The following CACNA1E variants were observed in gnomAD, a reference collection of about 807,000 sequenced individuals.
CACNA1E encodes voltage-dependent R-type calcium channel subunit alpha-1E.
Under a neutral mutation model 259.2 loss-of-function variants are expected in CACNA1E, and 40 were observed. That is an observed-to-expected ratio of 0.15 (90% CI 0.12 to 0.20). The LOEUF is 0.20. Ranked by LOEUF, CACNA1E falls within the 10% of genes least tolerant of loss-of-function variation. CACNA1E has a pLI of 1.00. For synonymous variants in CACNA1E, 1,104 were observed against 1,138.5 expected (o/e 0.97, Z 0.61); for missense variants, 1,874 against 3,040.1 (o/e 0.62, Z 9.02).
At chr1:181,754,111 T>TC (rs763748589) in intron 27 of CACNA1E, among the ~76,000 whole-genome samples, 5 of 152,184 alleles carry the variant, frequency 3.3e-5, no homozygotes, top group Non-Finnish European at 7.4e-5. Flanking sequence ...CTGACCCTTA[T>TC]CAGTATTGTC....
chr1:181,564,376 C>T (rs1431107584), intron 3 of CACNA1E, among the ~76,000 whole-genome samples: 1 of 152,184 alleles, frequency 6.6e-6, no homozygotes, highest in Non-Finnish European at 1.5e-5. Flanking sequence ...CCTCAAGAAA[C>T]TACTTTCTTT....
intron 38 of CACNA1E, chr1:181,779,443 C>T (rs773793077): frequency 1.9e-4 from 83 of 445,950 alleles, no homozygotes; most frequent in East Asian, 4.2e-4. Flanking sequence ...TCCTTTACAG[C>T]GGCAGGATCC....
intron 37 of CACNA1E, 101 bp from the exon 38 acceptor site, chr1:181,776,000 T>C (rs1222842976): frequency 3.6e-6 from 4 of 1,125,566 alleles, no homozygotes; most frequent in Non-Finnish European, 5.2e-6. Flanking sequence ...TTCTGGCTCG[T>C]TTGCTAAAAC....
rs187411360 is a variant in CACNA1E, at chr1:181,351,879, G to C, written c.-15+33756G>C. ...CTGCAATGTCTCTTTTGCTATATTA[G>C]GGTCATTTATGGATTCTGGAGACTG... is the stretch of plus-strand genomic sequence containing the variant. On this transcript the variant is annotated intron_variant, in intron 1 of 11. Coordinates refer to the CACNA1E transcript ENST00000524607. Among the ~76,000 whole-genome samples, 133 of 152,304 alleles carry C rather than the reference G, an allele frequency of 8.7e-4. 1 individual carries two copies. Among genetic ancestry groups the C allele is most frequent in the Non-Finnish European group, 1.5e-4 (10 of 68,032 alleles).
Position 181,732,675 on chromosome 1 carries a change from A to G in CACNA1E, c.2589A>G (p.Arg863=). The change falls in exon 20 of 48, where the codon CGA becomes CGG. Residue 863 remains arginine, a synonymous_variant. Transcript: ENST00000367573. This position sits in a 1 kb window ranked among gnomAD's most constrained non-coding sequence, Gnocchi z 5.5. The part of the protein sequence containing the change: ...GGSLKGDGGD[R]SSALDNQRTP... Reference sequence around the variant, plus strand: ...CCCTCAAGGGGGATGGAGGGGACCGATCCAGTGCCCTGGACAACCAGAGGA... The same window carrying G: ...CCCTCAAGGGGGATGGAGGGGACCGGTCCAGTGCCCTGGACAACCAGAGGA... 6.5e-7 allele frequency: 1 copy of G among 1,527,358 alleles called. No homozygotes were observed. Among genetic ancestry groups the G allele is most frequent in the Non-Finnish European group, 8.8e-7 (1 of 1,139,728 alleles). 94.6% of individuals were successfully genotyped at this position (1,527,358 alleles called of 1,614,324 possible).
chr1:181,569,138 T>C (rs1320988921), intron 3 of CACNA1E, among the ~76,000 whole-genome samples: 1 of 152,218 alleles, frequency 6.6e-6, no homozygotes, highest in Non-Finnish European at 1.5e-5. Flanking sequence ...GACCTTTCGC[T>C]TATCATAATT....
rs1188480250 is a variant in CACNA1E, at chr1:181,756,102, T to C, written c.4127+9T>C. ...GGGGAAGGATGGCCTCAGTGAGTGA[T>C]TGAGTTGTCATGCTTGTCTGTGGCT... is the stretch of plus-strand genomic sequence containing the variant. On this transcript the variant is annotated intron_variant, in intron 29 of 47. Transcript: ENST00000367573. The C allele has an allele frequency of 5.0e-6, 8 of 1,608,776 alleles. No homozygotes were observed. Among genetic ancestry groups the C allele is most frequent in the East Asian group, 2.2e-5 (1 of 44,690 alleles).
intron 7 of CACNA1E, among the ~76,000 whole-genome samples, chr1:181,699,917 G>A (rs140197567): frequency 2.6e-5 from 4 of 152,240 alleles, no homozygotes; most frequent in Non-Finnish European, 5.9e-5. Flanking sequence ...CATCCGAGAT[G>A]CCTATTTGAC....
intron 1 of CACNA1E, among the ~76,000 whole-genome samples, chr1:181,320,020 T>C (rs945883400): frequency 2.0e-5 from 3 of 152,228 alleles, no homozygotes; most frequent in Non-Finnish European, 2.9e-5. Flanking sequence ...GTGATTTACA[T>C]CTATTCCTCT....
At chr1:181,738,294 TG>T in intron 23 of CACNA1E, 72 bp from the exon 24 acceptor site, 4 of 1,227,164 alleles carry the variant, frequency 3.3e-6, no homozygotes, top group Non-Finnish European at 4.8e-6. Context: ...GCATGTGTCC[TG>T]GCAGGTGGGA....
At chr1:181,687,804 T>C in intron 7 of CACNA1E, among the ~76,000 whole-genome samples, 1 of 152,170 alleles carries the variant, frequency 6.6e-6, no homozygotes, top group East Asian at 1.9e-4. Flanking sequence ...AAGACATTAT[T>C]TCCCCCATTA....
At chr1:181,560,428 A>C (rs377677838) in intron 3 of CACNA1E, among the ~76,000 whole-genome samples, 1 of 152,126 alleles carries the variant, frequency 6.6e-6, no homozygotes, top group African/African-American at 2.4e-5. Flanking sequence ...CTGTTGAATT[A>C]ATATTTTAGA....
At chr1:181,563,055 A>G (rs1649477979) in intron 3 of CACNA1E, among the ~76,000 whole-genome samples, 1 of 152,174 alleles carries the variant, frequency 6.6e-6, no homozygotes, top group Admixed American at 6.5e-5. Flanking sequence ...ATAACTCTAA[A>G]AATAAAAAGC....
chr1:181,695,904 G>C (rs1651649969), intron 7 of CACNA1E, among the ~76,000 whole-genome samples: 2 of 152,190 alleles, frequency 1.3e-5, no homozygotes, highest in Non-Finnish European at 2.9e-5. Flanking sequence ...GCAGTGAGTT[G>C]AGATTGCGCC....
intron 6 of CACNA1E, among the ~76,000 whole-genome samples, chr1:181,596,738 AGTACT>A (rs1651287464): frequency 6.6e-6 from 1 of 152,220 alleles, no homozygotes; most frequent in Admixed American, 6.5e-5. Flanking sequence ...GAAGTACTGT[AGTACT>A]GTACATAATT....
rs193070342 is a variant in CACNA1E at position 181,364,821 on chromosome 1, G to A, written c.-15+46698G>A. 4.6e-5 allele frequency among the ~76,000 whole-genome samples: 7 copies of A among 152,272 alleles called. No homozygotes were observed. The East Asian group carries it at 1.4e-3, about 29-fold the overall frequency. ...AAAGTAGTTGCTTTGGATCCTCTTGGGCTCCAGTCTTCCACCTCTGCAGGG... is the reference window on the plus strand; with the variant it reads ...AAAGTAGTTGCTTTGGATCCTCTTGAGCTCCAGTCTTCCACCTCTGCAGGG... On this transcript the variant is annotated intron_variant, in intron 1 of 11. Coordinates refer to the CACNA1E transcript ENST00000524607.
At chr1:181,364,122 T>C (rs1317028619) in intron 1 of CACNA1E, among the ~76,000 whole-genome samples, 1 of 152,202 alleles carries the variant, frequency 6.6e-6, no homozygotes, top group African/African-American at 2.4e-5. Context: ...GGAATGTTTA[T>C]TCCCCGTGAC....
At chr1:181,532,734 TC>T (rs1167688423) in intron 3 of CACNA1E, among the ~76,000 whole-genome samples, 4 of 152,386 alleles carry the variant, frequency 2.6e-5, no homozygotes, top group African/African-American at 7.2e-5. Context: ...AAAGGAGATC[TC>T]TTGCCTGTCT....
rs370260416 is a variant in CACNA1E, at chr1:181,651,450, G to T, written c.1055+9G>T. On this transcript the variant is annotated intron_variant, in intron 7 of 47. Transcript: ENST00000367573. ...CTGGGAGTGCTTTCCGGGTGAGCCA[G>T]ATGTTTCTCTCTTCTTAACTCATTT... 3.1e-6 allele frequency: 5 copies of T among 1,590,030 alleles called. No homozygotes were observed. The African/African-American group carries it at 6.7e-5, about 21-fold the overall frequency.
Sources: gnomAD v4.1 joint callset for allele counts (sites outside exome capture counted in the v4.1 genomes callset) on GRCh38, gnomAD v4.1.1 for gene constraint, Gnocchi (gnomAD v3.1) non-coding constraint, MANE v1.5 for transcripts, NCBI Gene and HGNC (gene_info 2026-07-23, HGNC 2026-07-21) for gene names.